The following FGFR4 variants were observed in gnomAD, a reference collection of about 807,000 sequenced individuals.
FGFR4 encodes the protein hydroxyaryl-protein kinase.
A neutral mutation model predicts 89.9 loss-of-function variants in FGFR4; 63 were observed. The observed-to-expected ratio is 0.70, with a 90% CI of 0.57 to 0.86. The LOEUF (loss-of-function observed/expected upper bound fraction) is 0.86. FGFR4 is among the 40% of genes least tolerant of loss of function. The pLI, the probability that FGFR4 is intolerant of heterozygous loss-of-function variation, is 0.00. For synonymous variants in FGFR4, 486 were observed against 479.4 expected (o/e 1.01, Z -0.18); for missense variants, 928 against 1,106.7 (o/e 0.84, Z 2.29).
Position 177,093,601 on chromosome 5 carries a change from G to A in FGFR4, c.1397+50G>A, listed in dbSNP as rs201648918. On this transcript the variant is annotated intron_variant, in intron 10 of 17. Coordinates refer to ENST00000292408, the MANE Select transcript of FGFR4 (RefSeq NM_213647.3). This position sits in a 1 kb window ranked among gnomAD's most constrained non-coding sequence, Gnocchi z 5.8. The stretch of plus-strand genomic sequence containing the variant: ...GGACGCGGGCGCCGGGTTGCAGCCC[G>A]CCCTCCGCAGGAGTGACTCGGAGGT... 1.2e-3 allele frequency: 1,897 copies of A among 1,612,754 alleles called. 2 individuals carry two copies. The highest frequency in any genetic ancestry group is 1.5e-3 in the Non-Finnish European group (1,726 of 1,178,940).
Position 177,087,749 on chromosome 5 carries a change from G to A in FGFR4, c.-54+672G>A, listed in dbSNP as rs3135912. 2 of 598,848 alleles carry A rather than the reference G, an allele frequency of 3.3e-6. No homozygotes were observed. Among genetic ancestry groups the A allele is most frequent in the Non-Finnish European group, 4.2e-6 (2 of 476,724 alleles). 37.1% of individuals were successfully genotyped at this position (598,848 alleles called of 1,614,324 possible). On this transcript the variant is annotated intron_variant, in intron 1 of 17. Coordinates refer to ENST00000292408, the MANE Select transcript of FGFR4 (RefSeq NM_213647.3). This position sits in a 1 kb window ranked among gnomAD's most constrained non-coding sequence, Gnocchi z 6.1. ...TAGGGAGTTTTACCAAGGAGGATCC[G>A]ACTGGATTCGAGAGTTGAGGTGGGC...
intron 1 of FGFR4, 76 bp from the exon 2 acceptor site, chr5:177,089,474 C>T: frequency 2.1e-6 from 3 of 1,446,942 alleles, no homozygotes; most frequent in Non-Finnish European, 2.7e-6. Flanking sequence ...GTCTCAGTTT[C>T]CTTATCTGCA....
rs45576840 is a variant in FGFR4 at position 177,092,531 on chromosome 5, G to A, written c.918+20G>A. 4.5e-6 allele frequency: 7 copies of A among 1,563,152 alleles called. No individual in the cohort carries two copies. In the Admixed American group the frequency reaches 5.5e-5, roughly 12 times the overall value. ...CTAAAGGTAAAAGGTGCACCCTGCT[G>A]CAGCCTGGGCCCCATTCTTCTCCCA... On this transcript the variant is annotated intron_variant, in intron 7 of 17. Transcript: ENST00000292408.
At chr5:177,092,603 C>T (rs1429086893) in intron 7 of FGFR4, 43 bp from the exon 8 acceptor site, 3 of 1,579,304 alleles carry the variant, frequency 1.9e-6, no homozygotes, top group African/African-American at 2.7e-5. Flanking sequence ...CACAGTGTGG[C>T]CCCAGGCCCT....
intron 7 of FGFR4, 23 bp downstream of exon 7, chr5:177,092,534 G>A: frequency 6.4e-7 from 1 of 1,563,238 alleles, no homozygotes; most frequent in South Asian, 1.2e-5. Flanking sequence ...CCCTGCTGCA[G>A]CCTGGGCCCC....
chr5:177,092,900 A>G lies in FGFR4; in HGVS notation c.1057+116A>G. 6 of 1,526,248 alleles carry G rather than the reference A, an allele frequency of 3.9e-6. No individual in the cohort carries two copies. The South Asian group carries it at 6.9e-5, about 18-fold the overall frequency. 94.5% of individuals were successfully genotyped at this position (1,526,248 alleles called of 1,614,324 possible). ...GCCTGTGGGGTCTGGCCTGGGGGGC[A>G]GTGTGTGGATTTGTGGGTTTGAGCT... is the stretch of plus-strand genomic sequence containing the variant. On this transcript the variant is annotated intron_variant, in intron 8 of 17. Coordinates refer to ENST00000292408, the MANE Select transcript of FGFR4 (RefSeq NM_213647.3).
intron 6 of FGFR4, 62 bp downstream of exon 6, chr5:177,091,870 G>T (rs1472275521): frequency 1.0e-5 from 16 of 1,600,904 alleles, no homozygotes; most frequent in Non-Finnish European, 1.4e-5. Context: ...GTGCCCTCTT[G>T]GTGGGGTCTA....
chr5:177,096,441 C>T, intron 15 of FGFR4, 84 bp downstream of exon 15: 1 of 1,560,440 alleles, frequency 6.4e-7, no homozygotes, highest in South Asian at 1.1e-5. Context: ...GAGTCATGCG[C>T]TCGAGGGCTC....
chr5:177,093,352 C>T lies in FGFR4; in HGVS notation c.1251+21C>T, dbSNP rs762368045. The T allele has an allele frequency of 6.2e-7, 1 of 1,614,086 alleles. No individual in the cohort carries two copies. The highest frequency in any genetic ancestry group is 1.7e-5 in the Admixed American group (1 of 60,030). ...GACAGGTACTGGGCGCATCCCCCAC[C>T]TCACATGTGACAGCCTGACTCCAGC... On this transcript the variant is annotated intron_variant, in intron 9 of 17. Coordinates refer to ENST00000292408, the MANE Select transcript of FGFR4 (RefSeq NM_213647.3). This position sits in a 1 kb window ranked among gnomAD's most constrained non-coding sequence, Gnocchi z 5.8.
rs759709290 is a variant in FGFR4, at chr5:177,093,272, C to T, written c.1192C>T (p.Arg398Trp). The change falls in exon 9 of 18, where the codon CGG becomes TGG. Residue 398 changes from arginine to tryptophan, a missense_variant. Arg to Trp is a moderately radical substitution (Grantham distance 101). Around this residue, in one of 5 missense-constraint regions of FGFR4, gnomAD observed 741 missense variants for 836.9 expected, o/e 0.89. Coordinates refer to ENST00000292408, the MANE Select transcript of FGFR4 (RefSeq NM_213647.3). The surrounding 1 kb of genome is among the most constrained non-coding windows in gnomAD (Gnocchi z 5.8). ...GLYRGQALHG[R>W]HPRPPATVQK... The stretch of plus-strand genomic sequence containing the variant: ...GTATCGAGGGCAGGCGCTCCACGGC[C>T]GGCACCCCCGCCCGCCCGCCACTGT... The T allele has an allele frequency of 1.9e-5, 31 of 1,612,696 alleles. No individual in the cohort carries two copies. Among genetic ancestry groups the T allele is most frequent in the East Asian group, 8.9e-5 (4 of 44,868 alleles).
rs907397170 is a variant in FGFR4, at chr5:177,092,245, G to A, written c.728-76G>A. On this transcript the variant is annotated intron_variant, in intron 6 of 17. Coordinates refer to ENST00000292408, the MANE Select transcript of FGFR4 (RefSeq NM_213647.3). Reference sequence around the variant, plus strand: ...GAAAGGTCCCTCCCTTGAACTTGAGGAAGGCTGGAGGGAGGCAAACAGGGT... The same window carrying A: ...GAAAGGTCCCTCCCTTGAACTTGAGAAAGGCTGGAGGGAGGCAAACAGGGT... 5.6e-6 allele frequency: 8 copies of A among 1,430,352 alleles called. No individual in the cohort carries two copies. The African/African-American group carries it at 5.7e-5, about 10-fold the overall frequency. 88.6% of individuals were successfully genotyped at this position (1,430,352 alleles called of 1,614,324 possible).
Position 177,096,152 on chromosome 5 carries a change from C to T in FGFR4, c.1917C>T (p.His639=). 1 of 1,614,140 alleles carries T rather than the reference C, an allele frequency of 6.2e-7. No individual in the cohort carries two copies. Among genetic ancestry groups the T allele is most frequent in the Non-Finnish European group, 8.5e-7 (1 of 1,179,998 alleles). ...TTGGGCTGGCCCGCGGCGTCCACCACATTGACTACTATAAGAAAACCAGCA... is the reference window on the plus strand; with the variant it reads ...TTGGGCTGGCCCGCGGCGTCCACCATATTGACTACTATAAGAAAACCAGCA... ...ADFGLARGVH[H]IDYYKKTSNG... is the part of the protein sequence containing the mutation. The change falls in exon 14 of 18, where the codon CAC becomes CAT. Residue 639 remains histidine, a synonymous_variant. Transcript: ENST00000292408.
rs1239473305 is a variant in FGFR4 at position 177,095,496 on chromosome 5, T to TG, written c.1631-35dup. On this transcript the variant is annotated intron_variant, in intron 12 of 17. Coordinates refer to ENST00000292408, the MANE Select transcript of FGFR4 (RefSeq NM_213647.3). The surrounding 1 kb of genome is among the most constrained non-coding windows in gnomAD (Gnocchi z 5.7). Reference sequence around the variant, plus strand: ...CCGTTAGGGTGCAGAGCCAAAGCTTTGGCAGCCTCTCCACGCTCCCTCCAC... The same window carrying TG: ...CCGTTAGGGTGCAGAGCCAAAGCTTTGGGCAGCCTCTCCACGCTCCCTCCAC... 1 of 1,613,036 alleles carries TG rather than the reference T, an allele frequency of 6.2e-7. No homozygotes were observed. Among genetic ancestry groups the TG allele is most frequent in the Non-Finnish European group, 8.5e-7 (1 of 1,179,600 alleles).
chr5:177,091,591 A>G (rs1002912652), intron 5 of FGFR4, 94 bp from the exon 6 acceptor site: 6 of 1,527,770 alleles, frequency 3.9e-6, no homozygotes, highest in Non-Finnish European at 5.3e-6. Flanking sequence ...GCTTGACAAG[A>G]GCCCTGTGGG....
At position 177,095,696 on chromosome 5, in the gene FGFR4, A is replaced by T. The variant is rs372890596; in HGVS notation, c.1794A>T (p.Arg598=). ...TCTCCTGCGCCTACCAGGTGGCCCG[A>T]GGCATGCAGTATCTGGAGTCCCGGA... The part of the protein sequence containing the change: ...VLVSCAYQVA[R]GMQYLESRKC... The change falls in exon 13 of 18, where the codon CGA becomes CGT. Residue 598 remains arginine, a synonymous_variant. Transcript: ENST00000292408. This position sits in a 1 kb window ranked among gnomAD's most constrained non-coding sequence, Gnocchi z 5.7. The T allele has an allele frequency of 4.4e-4, 702 of 1,608,404 alleles. 4 individuals carry two copies. The highest frequency in any genetic ancestry group is 3.7e-3 in the South Asian group (329 of 90,052).
intron 16 of FGFR4, 56 bp downstream of exon 16, chr5:177,096,797 T>C: frequency 1.3e-6 from 2 of 1,531,632 alleles, no homozygotes; most frequent in Non-Finnish European, 1.8e-6. Context: ...TCCTCTGCCC[T>C]GACCATGGCC....
In FGFR4 at chr5:177,090,551, C is replaced by G; in HGVS notation, c.253C>G (p.Arg85Gly). Residue 85 changes from arginine to glycine, a missense_variant, in exon 3 of 18, where the codon CGC becomes GGC. Physicochemically the swap from Arg to Gly is moderately radical, Grantham distance 125. This residue lies in a region of FGFR4 where 741 missense variants were observed against 836.9 expected (regional missense o/e 0.89). Coordinates refer to ENST00000292408, the MANE Select transcript of FGFR4 (RefSeq NM_213647.3). ...PAGRVRGWRG[R>G]LEIASFLPED... The stretch of plus-strand genomic sequence containing the variant: ...TGGCCGTGTACGGGGCTGGAGGGGC[C>G]GCCTAGAGATTGCCAGCTTCCTACC... 6.5e-7 allele frequency: 1 copy of G among 1,527,950 alleles called. No individual in the cohort carries two copies. The highest frequency in any genetic ancestry group is 8.8e-7 in the Non-Finnish European group (1 of 1,139,630). The allele number at this position is 1,527,950 out of a possible 1,614,324, so 94.6% of individuals were successfully genotyped here.
Position 177,091,091 on chromosome 5 carries a change from T to C in FGFR4, c.590T>C (p.Ile197Thr), listed in dbSNP as rs746114840. The C allele has an allele frequency of 4.4e-5, 70 of 1,583,980 alleles. 1 individual carries two copies. The East Asian group carries it at 1.6e-3, about 36-fold the overall frequency. The change falls in exon 5 of 18, where the codon ATT (isoleucine) becomes ACT (threonine). Residue 197 changes from isoleucine to threonine, a missense_variant. Physicochemically the swap from Ile to Thr is moderately conservative, Grantham distance 89. This residue lies in a region of FGFR4 where 741 missense variants were observed against 836.9 expected (regional missense o/e 0.89). Coordinates refer to ENST00000292408, the MANE Select transcript of FGFR4 (RefSeq NM_213647.3). ...CAGGCCTTTCATGGGGAGAACCGCA[T>C]TGGAGGCATTCGGGTGAGTCTCTGG... Reference protein sequence around the residue: ...DGQAFHGENRIGGIRLRHQHW... With the variant: ...DGQAFHGENRTGGIRLRHQHW...
At position 177,095,645 on chromosome 5, in the gene FGFR4, G is replaced by A. The variant is rs780331149; in HGVS notation, c.1743G>A (p.Glu581=). Reference sequence around the variant, plus strand: ...GCCCCGACGGTCCTCGGAGCAGTGAGGGGCCGCTCTCCTTCCCAGTCCTGG... The same window carrying A: ...GCCCCGACGGTCCTCGGAGCAGTGAAGGGCCGCTCTCCTTCCCAGTCCTGG... The part of the protein sequence containing the change: ...DLSPDGPRSS[E]GPLSFPVLVS... The change falls in exon 13 of 18, where the codon GAG becomes GAA. Residue 581 remains glutamate, a synonymous_variant. Transcript: ENST00000292408. This position sits in a 1 kb window ranked among gnomAD's most constrained non-coding sequence, Gnocchi z 5.7. The A allele has an allele frequency of 1.9e-6, 3 of 1,607,182 alleles. No individual in the cohort carries two copies. Among genetic ancestry groups the A allele is most frequent in the Non-Finnish European group, 1.7e-6 (2 of 1,178,060 alleles).
Sources: allele counts gnomAD v4.1 joint callset, GRCh38; gene constraint gnomAD v4.1.1; regional missense constraint gnomAD v4.1.1; non-coding constraint Gnocchi (gnomAD v3.1); transcripts MANE v1.5; gene names NCBI Gene and HGNC (gene_info 2026-07-23, HGNC 2026-07-21).